Variants in ALKBH8 observed in about 807,000 individuals in gnomAD.
ALKBH8 encodes the protein tRNA (carboxymethyluridine(34)-5-O)-methyltransferase ALKBH8.
A neutral mutation model predicts 59.8 loss-of-function variants in ALKBH8; 36 were observed. The observed-to-expected ratio is 0.60, with a 90% CI of 0.46 to 0.79. ALKBH8 has a LOEUF of 0.79. ALKBH8 is among the 30% of genes least tolerant of loss of function. The pLI is 0.00. For synonymous variants in ALKBH8, 276 were observed against 273.6 expected, an observed-to-expected ratio of 1.01 and a Z score of -0.09; for missense variants, 768 against 801.0, an observed-to-expected ratio of 0.96 and a Z score of 0.50.
At chr11:107,505,364 AAG>A in intron 11 of ALKBH8, 149 bp from the exon 12 acceptor site, 1 of 763,570 alleles carries the variant, frequency 1.3e-6, no homozygotes, top group South Asian at 3.0e-5. Context: ...AAAAAGAAGA[AAG>A]AGCATTCTGT....
chr11:107,536,172 T>C (rs1466598967), intron 7 of ALKBH8, among the ~76,000 whole-genome samples: 1 of 152,240 alleles, frequency 6.6e-6, no homozygotes, highest in African/African-American at 2.4e-5. Context: ...GTTTTCTATA[T>C]GTCACTTTAC....
At chr11:107,530,735 T>G (rs184825815) in intron 8 of ALKBH8, among the ~76,000 whole-genome samples, 87 of 152,226 alleles carry the variant, frequency 5.7e-4, no homozygotes, top group African/African-American at 2.0e-3. Context: ...TGTAGAGAAT[T>G]CTGATTCCAG....
chr11:107,544,592 T>A (rs1440816862), intron 7 of ALKBH8, among the ~76,000 whole-genome samples: 1 of 152,118 alleles, frequency 6.6e-6, no homozygotes, highest in Admixed American at 6.5e-5. Flanking sequence ...GTAGACCATT[T>A]ATTTATTTCT....
chr11:107,505,558 T>C (rs777466824), intron 11 of ALKBH8, among the ~76,000 whole-genome samples: 3 of 152,242 alleles, frequency 2.0e-5, no homozygotes, highest in Non-Finnish European at 4.4e-5. Flanking sequence ...ATTTATATAA[T>C]GCTTTTACAA....
At chr11:107,532,489 T>G in intron 7 of ALKBH8, 83 bp from the exon 8 acceptor site, 2 of 1,111,076 alleles carry the variant, frequency 1.8e-6, no homozygotes, top group South Asian at 2.6e-5. Context: ...AGTTTGGCTA[T>G]TTTTCTAGGC....
intron 8 of ALKBH8, among the ~76,000 whole-genome samples, chr11:107,528,619 CT>C (rs1863449884): frequency 6.6e-6 from 1 of 152,142 alleles, no homozygotes; most frequent in Non-Finnish European, 1.5e-5. Flanking sequence ...TATTATGGTT[CT>C]TTTAAATCAA....
intron 7 of ALKBH8, among the ~76,000 whole-genome samples, chr11:107,548,239 G>A (rs898555281): frequency 6.6e-6 from 1 of 152,174 alleles, no homozygotes; most frequent in African/African-American, 2.4e-5. Flanking sequence ...TATACGAACA[G>A]CCTCTGCCTC....
Position 107,503,367 on chromosome 11 carries a change from T to C in ALKBH8, c.*1291A>G, listed in dbSNP as rs1862252195. The C allele has an allele frequency of 6.6e-6, 1 of 152,152 alleles. No individual in the cohort carries two copies. Among genetic ancestry groups the C allele is most frequent in the African/African-American group, 2.4e-5 (1 of 41,440 alleles). 9.4% of individuals were successfully genotyped at this position (152,152 alleles called of 1,614,324 possible). ...TTTCTGAAAACTTGATGCTTCAAGA[T>C]TAAGTATCACTAGCATTAATAACAG... On this transcript the variant is annotated 3_prime_UTR_variant, in exon 12 of 12. Transcript: ENST00000428149.
At chr11:107,517,404 C>T (rs1862909517) in intron 10 of ALKBH8, among the ~76,000 whole-genome samples, 1 of 152,164 alleles carries the variant, frequency 6.6e-6, no homozygotes, top group Admixed American at 6.5e-5. Context: ...ATCCAGCAAT[C>T]CCACTGCTAG....
At chr11:107,519,502 C>G (rs1354534777) in intron 10 of ALKBH8, among the ~76,000 whole-genome samples, 1 of 152,024 alleles carries the variant, frequency 6.6e-6, no homozygotes, top group Non-Finnish European at 1.5e-5. Flanking sequence ...GTTTAAAGTG[C>G]AGAGAAATAA....
At chr11:107,560,169 C>T (rs1197807663) in intron 2 of ALKBH8, among the ~76,000 whole-genome samples, 1 of 152,162 alleles carries the variant, frequency 6.6e-6, no homozygotes, top group African/African-American at 2.4e-5. Flanking sequence ...CTGAGTTCTC[C>T]TAATTCATAA....
Position 107,551,816 on chromosome 11 carries a change from G to C in ALKBH8, c.692C>G (p.Pro231Arg). 1 of 1,540,740 alleles carries C rather than the reference G, an allele frequency of 6.5e-7. No individual in the cohort carries two copies. The highest frequency in any genetic ancestry group is 8.7e-7 in the Non-Finnish European group (1 of 1,150,686). ...GAACAAGAAATACTCACCTTGCCCA[G>C]GTTCATACTGATTTATGGTCATTTG... ...PDQMTINQYE[P>R]GQGIPAHIDT... Residue 231 changes from proline (P) to arginine (R), a missense_variant, in exon 6 of 12, where the codon CCT becomes CGT. Pro to Arg is a moderately radical substitution (Grantham distance 103, BLOSUM62 -2). Transcript: ENST00000428149.
At chr11:107,526,539 G>A (rs910762520) in intron 8 of ALKBH8, among the ~76,000 whole-genome samples, 2 of 151,720 alleles carry the variant, frequency 1.3e-5, no homozygotes, top group Non-Finnish European at 3.0e-5. Flanking sequence ...CTGCCTTCTC[G>A]TTTTCTCAAT....
chr11:107,531,769 G>A (rs1302080727), intron 8 of ALKBH8, among the ~76,000 whole-genome samples: 1 of 152,202 alleles, frequency 6.6e-6, no homozygotes, highest in African/African-American at 2.4e-5. Flanking sequence ...GCCACACATA[G>A]TCTCTGTCAA....
intron 2 of ALKBH8, among the ~76,000 whole-genome samples, chr11:107,559,036 C>A (rs565395656): frequency 6.6e-6 from 1 of 152,176 alleles, no homozygotes; most frequent in African/African-American, 2.4e-5. Context: ...GGGGCCATTT[C>A]CCCTATAATG....
At chr11:107,560,701 TTAATA>T in intron 2 of ALKBH8, 59 bp downstream of exon 2, 1 of 1,442,588 alleles carries the variant, frequency 6.9e-7, no homozygotes, top group East Asian at 2.4e-5. Flanking sequence ...TTAGCAAATA[TTAATA>T]TAATACATTA....
At chr11:107,554,420 T>C (rs925918223) in intron 3 of ALKBH8, among the ~76,000 whole-genome samples, 1 of 152,182 alleles carries the variant, frequency 6.6e-6, no homozygotes, top group Non-Finnish European at 1.5e-5. Context: ...AAAATACAAC[T>C]TTCTAAAGAA....
chr11:107,563,877 A>G (rs1351904407), intron 1 of ALKBH8: 1 of 152,200 alleles, frequency 6.6e-6, no homozygotes, highest in African/African-American at 2.4e-5. Context: ...CAGTCATGCA[A>G]TATTATTGCA....
chr11:107,561,422 G>A (rs1329852616), intron 1 of ALKBH8, among the ~76,000 whole-genome samples: 6 of 152,194 alleles, frequency 3.9e-5, no homozygotes, highest in African/African-American at 1.4e-4. Flanking sequence ...CAAAATTCAG[G>A]AGAGAGGCTA....
Sources: gnomAD v4.1 joint callset for allele counts (sites outside exome capture counted in the v4.1 genomes callset) on GRCh38, gnomAD v4.1.1 for gene constraint, MANE v1.5 for transcripts, NCBI Gene and HGNC (gene_info 2026-07-23, HGNC 2026-07-21) for gene names.